Variants in TAFA2 observed in about 807,000 individuals in gnomAD.
TAFA2 encodes the protein TAFA chemokine like family member 2, also known as chemokine-like protein TAFA-2.
A neutral mutation model predicts 18.8 loss-of-function variants in TAFA2; 7 were observed. The observed-to-expected ratio is 0.37, with a 90% CI of 0.21 to 0.70. The LOEUF (loss-of-function observed/expected upper bound fraction) is 0.70, where lower values mean the gene tolerates loss of function less well. Ranked by LOEUF, TAFA2 falls within the 30% of genes least tolerant of loss-of-function variation. The pLI, the probability that TAFA2 is intolerant of heterozygous loss-of-function variation, is 0.53. For synonymous variants in TAFA2, 60 were observed against 54.2 expected, an observed-to-expected ratio of 1.11 and a Z score of -0.47; for missense variants, 122 against 158.1, an observed-to-expected ratio of 0.77 and a Z score of 1.23.
intron 3 of TAFA2, 61 bp from the exon 4 acceptor site, chr12:61,753,807 A>G: frequency 1.4e-6 from 2 of 1,451,778 alleles, no homozygotes; most frequent in Non-Finnish European, 1.9e-6. Flanking sequence ...TCTCTTGTTC[A>G]CCTTTAAAGA....
chr12:61,863,772 A>G (rs1874226072), intron 2 of TAFA2, among the ~76,000 whole-genome samples: 1 of 152,128 alleles, frequency 6.6e-6, no homozygotes, highest in African/African-American at 2.4e-5. Flanking sequence ...ATCACAGTTC[A>G]CAGGTGCCCC....
chr12:61,762,635 A>T (rs998131490), intron 2 of TAFA2, among the ~76,000 whole-genome samples: 8 of 148,516 alleles, frequency 5.4e-5, no homozygotes, highest in African/African-American at 1.2e-4. Flanking sequence ...TTCATTTTTT[A>T]TATATATATA....
Position 61,897,209 on chromosome 12 carries a change from C to T in TAFA2, c.-1-29783G>A, listed in dbSNP as rs979166245. On this transcript the variant is annotated intron_variant, in intron 1 of 4. Coordinates refer to ENST00000416284, the MANE Select transcript of TAFA2 (RefSeq NM_178539.5). ...ACCCATGTAGAGTGGATGTGCAAAT[C>T]CTTGAGACAAAATGATGCTGACTGT... 2.6e-5 allele frequency among the ~76,000 whole-genome samples: 4 copies of T among 152,108 alleles called. No individual in the cohort carries two copies. In the East Asian group the frequency reaches 7.7e-4, roughly 29 times the overall value.
intron 4 of TAFA2, among the ~76,000 whole-genome samples, chr12:61,738,328 CA>C (rs879676880): frequency 3.8e-3 from 556 of 147,446 alleles, no homozygotes; most frequent in African/African-American, 9.3e-3. Context: ...CACACACACA[CA>C]AACCTAGCTC....
intron 2 of TAFA2, among the ~76,000 whole-genome samples, chr12:61,796,053 C>T (rs925754470): frequency 5.3e-5 from 8 of 152,054 alleles, no homozygotes; most frequent in African/African-American, 1.4e-4. Context: ...TGAAATAGAA[C>T]AACCACTTTG....
chr12:62,216,860 T>C (rs2062737966), intron 1 of TAFA2, among the ~76,000 whole-genome samples: 1 of 152,176 alleles, frequency 6.6e-6, no homozygotes, highest in Non-Finnish European at 1.5e-5. Flanking sequence ...TGGTACCATA[T>C]TAATTGGACT....
rs377728112 is a variant in TAFA2, at chr12:61,747,192, G to A, written c.384+6430C>T. ...ACCATCTCACACCAGTTAGAATGGCGATCATTAAAAAGTCAGGAAACAACA... is the reference window on the plus strand; with the variant it reads ...ACCATCTCACACCAGTTAGAATGGCAATCATTAAAAAGTCAGGAAACAACA... On this transcript the variant is annotated intron_variant, in intron 4 of 4. Coordinates refer to ENST00000416284, the MANE Select transcript of TAFA2 (RefSeq NM_178539.5). Among the ~76,000 whole-genome samples the A allele has an allele frequency of 5.4e-4, 82 of 151,748 alleles. 1 individual carries two copies. In the South Asian group the frequency reaches 5.8e-3, roughly 11 times the overall value.
intron 2 of TAFA2, among the ~76,000 whole-genome samples, chr12:61,806,170 A>G (rs1372998412): frequency 2.0e-5 from 3 of 152,152 alleles, no homozygotes; most frequent in African/African-American, 4.8e-5. Context: ...TGCATATGAT[A>G]TTGTTTGGCT....
At chr12:61,845,671 T>C (rs1565654125) in intron 2 of TAFA2, among the ~76,000 whole-genome samples, 1 of 152,184 alleles carries the variant, frequency 6.6e-6, no homozygotes, top group African/African-American at 2.4e-5. Flanking sequence ...TCTGGGGTGA[T>C]TATCCATTTT....
intron 1 of TAFA2, among the ~76,000 whole-genome samples, chr12:61,915,819 A>G (rs1876800145): frequency 6.6e-6 from 1 of 152,172 alleles, no homozygotes; most frequent in Non-Finnish European, 1.5e-5. Flanking sequence ...TCCTCAATGG[A>G]TTGGATGATG....
chr12:61,976,974 T>C (rs1879460157), intron 1 of TAFA2, among the ~76,000 whole-genome samples: 1 of 152,192 alleles, frequency 6.6e-6, no homozygotes, highest in East Asian at 1.9e-4. Flanking sequence ...AATAGTGCCG[T>C]AATAAACATA....
At chr12:61,782,670 G>C (rs915325855) in intron 2 of TAFA2, among the ~76,000 whole-genome samples, 1 of 151,622 alleles carries the variant, frequency 6.6e-6, no homozygotes, top group Non-Finnish European at 1.5e-5. Flanking sequence ...TACAGAGTTT[G>C]ACTCTTTTCA....
chr12:61,767,004 T>C (rs977605017), intron 2 of TAFA2, among the ~76,000 whole-genome samples: 4 of 152,126 alleles, frequency 2.6e-5, no homozygotes, highest in Admixed American at 1.3e-4. Context: ...AATCAGTTAA[T>C]CTCACTAAGT....
At chr12:61,824,926 A>T (rs1872480517) in intron 2 of TAFA2, among the ~76,000 whole-genome samples, 2 of 152,180 alleles carry the variant, frequency 1.3e-5, no homozygotes, top group Non-Finnish European at 2.9e-5. Flanking sequence ...TCAGAACAGA[A>T]GAAAATAAAT....
intron 4 of TAFA2, among the ~76,000 whole-genome samples, chr12:61,744,959 T>A (rs553202100): frequency 3.0e-4 from 45 of 152,112 alleles, no homozygotes; most frequent in Non-Finnish European, 5.1e-4. Flanking sequence ...TTAATCCATT[T>A]TGTCCAAATC....
At chr12:62,190,936 C>G (rs1356737144) in intron 1 of TAFA2, among the ~76,000 whole-genome samples, 1 of 152,096 alleles carries the variant, frequency 6.6e-6, no homozygotes, top group East Asian at 1.9e-4. Flanking sequence ...CTTCAATCCT[C>G]GACCTGGTCG....
At chr12:62,097,982 G>C (rs1869021818) in intron 1 of TAFA2, among the ~76,000 whole-genome samples, 1 of 152,100 alleles carries the variant, frequency 6.6e-6, no homozygotes. Flanking sequence ...ATATTAAAAA[G>C]AGATAGTTTC....
intron 1 of TAFA2, among the ~76,000 whole-genome samples, chr12:61,877,549 G>A (rs907872929): frequency 1.3e-5 from 2 of 152,142 alleles, no homozygotes; most frequent in Non-Finnish European, 2.9e-5. Flanking sequence ...AGAACACCCT[G>A]AGGAAAGCCC....
chr12:62,026,545 A>G (rs953040014), intron 1 of TAFA2, among the ~76,000 whole-genome samples: 1 of 152,024 alleles, frequency 6.6e-6, no homozygotes, highest in Non-Finnish European at 1.5e-5. Context: ...CATGATGTAC[A>G]CTTCCTTGTT....
Sources: allele counts gnomAD v4.1 joint callset (sites outside exome capture counted in the v4.1 genomes callset), GRCh38; gene constraint gnomAD v4.1.1; transcripts MANE v1.5; gene names NCBI Gene and HGNC (gene_info 2026-07-23, HGNC 2026-07-21).